TECPR1: variants seen among roughly 807,000 people sequenced by gnomAD.
The protein encoded by TECPR1 is tectonin beta-propeller repeat containing 1.
A neutral mutation model predicts 162.4 loss-of-function variants in TECPR1; 122 were observed. The observed-to-expected ratio is 0.75, with a 90% CI of 0.65 to 0.87. The LOEUF (loss-of-function observed/expected upper bound fraction) is 0.87, where lower values mean the gene tolerates loss of function less well. Among genes scored for constraint, TECPR1 ranks in the 40% least tolerant of loss-of-function variants. The pLI is 0.00. For missense variants in TECPR1, 1,432 were observed against 1,618.2 expected, an observed-to-expected ratio of 0.88 and a Z score of 1.97; for synonymous variants, 642 against 670.6, an observed-to-expected ratio of 0.96 and a Z score of 0.66.
rs576356083 is a variant in TECPR1 at position 98,218,751 on chromosome 7, T to C, written c.3158-709A>G. The stretch of plus-strand genomic sequence containing the variant: ...CAAATGGAAATACATCCCATATTCA[T>C]GGATTGATGAGTATGGGATGAATCA... On this transcript the variant is annotated intron_variant, in intron 23 of 25. Transcript: ENST00000447648. Among the ~76,000 whole-genome samples, 14 of 152,322 alleles carry C rather than the reference T, an allele frequency of 9.2e-5. No homozygotes were observed. In the East Asian group the frequency reaches 1.7e-3, roughly 19 times the overall value.
intron 6 of TECPR1, among the ~76,000 whole-genome samples, chr7:98,242,600 A>T (rs1340062631): frequency 7.4e-6 from 1 of 135,456 alleles, no homozygotes; most frequent in Non-Finnish European, 1.6e-5. Context: ...CTATCCATCC[A>T]TCCGCACACC....
intron 21 of TECPR1, 122 bp from the exon 22 acceptor site, chr7:98,222,643 A>T: frequency 8.2e-7 from 1 of 1,216,748 alleles, no homozygotes; most frequent in Non-Finnish European, 1.1e-6. Context: ...GACAGCCGGG[A>T]GTCACACAGC....
chr7:98,247,679 G>A (rs551497656), intron 2 of TECPR1, among the ~76,000 whole-genome samples: 44 of 151,722 alleles, frequency 2.9e-4, no homozygotes, highest in Non-Finnish European at 5.6e-4. Flanking sequence ...CTCTTCCCCC[G>A]GCTCTCTTCT....
chr7:98,231,446 G>T, intron 13 of TECPR1, 73 bp from the exon 14 acceptor site: 1 of 1,492,320 alleles, frequency 6.7e-7, no homozygotes. Context: ...CCCCCACTGT[G>T]CTTCACCCTG....
At chr7:98,235,171 A>T (rs545260248) in intron 10 of TECPR1, among the ~76,000 whole-genome samples, 26 of 152,268 alleles carry the variant, frequency 1.7e-4, no homozygotes, top group Non-Finnish European at 2.8e-4. Context: ...AGTTATAAAG[A>T]TTTGGCATCT....
At chr7:98,218,206 C>T (rs1282358509) in intron 23 of TECPR1, among the ~76,000 whole-genome samples, 164 bp from the exon 24 acceptor site, 1 of 152,214 alleles carries the variant, frequency 6.6e-6, no homozygotes, top group Non-Finnish European at 1.5e-5. Flanking sequence ...CCACAGCCTC[C>T]TCCGCTTCTC....
At chr7:98,240,414 T>TTG (rs1183908375) in intron 8 of TECPR1, among the ~76,000 whole-genome samples, 7 of 151,890 alleles carry the variant, frequency 4.6e-5, no homozygotes, top group Non-Finnish European at 8.8e-5. Flanking sequence ...GGTGCCGGAT[T>TTG]TGTTCTAATG....
At chr7:98,229,599 T>G (rs1169458638) in intron 15 of TECPR1, among the ~76,000 whole-genome samples, 1 of 152,122 alleles carries the variant, frequency 6.6e-6, no homozygotes, top group African/African-American at 2.4e-5. Context: ...TCTGCATGAG[T>G]GACAGCACGG....
intron 23 of TECPR1, among the ~76,000 whole-genome samples, 159 bp from the exon 24 acceptor site, chr7:98,218,201 G>A (rs1025059416): frequency 3.9e-5 from 6 of 152,208 alleles, no homozygotes; most frequent in Non-Finnish European, 7.4e-5. Flanking sequence ...CAGGGCCACA[G>A]CCTCCTCCGC....
intron 2 of TECPR1, among the ~76,000 whole-genome samples, chr7:98,248,944 A>G (rs1050580909): frequency 6.7e-6 from 1 of 149,162 alleles, no homozygotes; most frequent in Non-Finnish European, 1.5e-5. Context: ...GCTGGAGTGC[A>G]GTGGCATAAT....
chr7:98,233,549 A>G lies in TECPR1; in HGVS notation c.1544T>C (p.Leu515Pro). 1 of 1,594,664 alleles carries G rather than the reference A, an allele frequency of 6.3e-7. No individual in the cohort carries two copies. The highest frequency in any genetic ancestry group is 8.5e-7 in the Non-Finnish European group (1 of 1,172,430). The change falls in exon 11 of 26, where the codon CTG (leucine) becomes CCG (proline). Residue 515 changes from leucine to proline, a missense_variant. Leu to Pro is a moderately conservative substitution (Grantham distance 98). Coordinates refer to ENST00000447648, the MANE Select transcript of TECPR1 (RefSeq NM_015395.3). ...CTCCAAGCCCAGTGGGAGGAGCCCC[A>G]GAGAGGAGAGGCTGGTGGTCTCGGG... ...GFPETTSLSS[L>P]GLLPLGLEEP... is the part of the protein sequence containing the mutation.
In TECPR1 at chr7:98,231,258, A is replaced by G; in HGVS notation, c.2090T>C (p.Leu697Pro). The G allele has an allele frequency of 6.2e-7, 1 of 1,613,036 alleles. No homozygotes were observed. The highest frequency in any genetic ancestry group is 8.5e-7 in the Non-Finnish European group (1 of 1,179,740). The change falls in exon 14 of 26, where the codon CTG becomes CCG. Residue 697 changes from leucine (L) to proline (P), a missense_variant. Transcript: ENST00000447648. ...CATGTCCTGCTCGGTGGCAGCAGCC[A>G]GACGCACCGGCCACCTCTGCCGTGT... is the stretch of plus-strand genomic sequence containing the variant. ...ERTRQRWPVRLAAATEQDMND... is the reference protein window; with the variant it reads ...ERTRQRWPVRPAAATEQDMND...
chr7:98,234,781 G>A lies in TECPR1; in HGVS notation c.1182-870C>T, dbSNP rs560501525. Among the ~76,000 whole-genome samples, 102 of 140,390 alleles carry A rather than the reference G, an allele frequency of 7.3e-4. 1 individual carries two copies. Among genetic ancestry groups the A allele is most frequent in the African/African-American group, 2.6e-3 (99 of 37,462 alleles). The allele number at this position is 140,390 out of a possible 152,430, so 92.1% of individuals were successfully genotyped here. A position where few individuals can be genotyped will look rare whatever the true frequency, so the allele number is the denominator to read the frequency against. ...GCTGGAGTGTAGTGACGTGATCATAGCTCACTGCAGCCTCGACCTCCTGGG... is the reference window on the plus strand; with the variant it reads ...GCTGGAGTGTAGTGACGTGATCATAACTCACTGCAGCCTCGACCTCCTGGG... On this transcript the variant is annotated intron_variant, in intron 10 of 25. Coordinates refer to ENST00000447648, the MANE Select transcript of TECPR1 (RefSeq NM_015395.3).
intron 2 of TECPR1, among the ~76,000 whole-genome samples, chr7:98,249,318 A>G (rs537162055): frequency 2.0e-5 from 3 of 152,290 alleles, no homozygotes; most frequent in African/African-American, 7.2e-5. Flanking sequence ...GTGGGGGAAA[A>G]GAATAGGAGG....
intron 1 of TECPR1, 93 bp from the exon 2 acceptor site, chr7:98,251,641 C>T (rs1799065528): frequency 6.6e-6 from 1 of 152,274 alleles, no homozygotes; most frequent in African/African-American, 2.4e-5. Context: ...AGGAGGTGTC[C>T]TGAGTCAGCC....
Position 98,225,909 on chromosome 7 carries a change from A to T in TECPR1, c.2514-807T>A, listed in dbSNP as rs183602587. Reference sequence around the variant, plus strand: ...TAAAGCACTGGGATTACAGGCGTGAATCCCCACACGTGGCCACATTTCTCT... The same window carrying T: ...TAAAGCACTGGGATTACAGGCGTGATTCCCCACACGTGGCCACATTTCTCT... On this transcript the variant is annotated intron_variant, in intron 17 of 25. Coordinates refer to ENST00000447648, the MANE Select transcript of TECPR1 (RefSeq NM_015395.3). Among the ~76,000 whole-genome samples the T allele has an allele frequency of 3.9e-4, 60 of 152,300 alleles. No homozygotes were observed. The East Asian group carries it at 9.7e-3, about 25-fold the overall frequency.
Position 98,233,871 on chromosome 7 carries a change from C to T in TECPR1, c.1222G>A (p.Glu408Lys), listed in dbSNP as rs367757804. 128 of 1,554,278 alleles carry T rather than the reference C, an allele frequency of 8.2e-5. No individual in the cohort carries two copies. The highest frequency in any genetic ancestry group is 2.6e-4 in the South Asian group (22 of 84,612). ...GCATCGGTGTCGCTGGGGGCAGACT[C>T]GCCACTACCCCTCACCTCATCACCG... ...FFGDEVRGSG[E>K]SAPSDTDASS... Residue 408 changes from glutamate to lysine, a missense_variant, in exon 11 of 26, where the codon GAG becomes AAG. Coordinates refer to ENST00000447648, the MANE Select transcript of TECPR1 (RefSeq NM_015395.3).
chr7:98,231,555 C>A (rs1398980811), intron 13 of TECPR1, 182 bp from the exon 14 acceptor site: 1 of 501,826 alleles, frequency 2.0e-6, no homozygotes, highest in Non-Finnish European at 3.2e-6. Context: ...ACCCCCATTT[C>A]TGTACCCCCT....
chr7:98,246,248 T>G, intron 2 of TECPR1, 83 bp from the exon 3 acceptor site: 1 of 785,686 alleles, frequency 1.3e-6, no homozygotes, highest in Non-Finnish European at 2.0e-6. Flanking sequence ...AGACTTCTAC[T>G]GTGACTATTT....
Sources: allele counts gnomAD v4.1 joint callset (sites outside exome capture counted in the v4.1 genomes callset), GRCh38; gene constraint gnomAD v4.1.1; transcripts MANE v1.5; gene names NCBI Gene and HGNC (gene_info 2026-07-23, HGNC 2026-07-21).